Variants in KCNT2 observed in about 807,000 individuals in gnomAD.
KCNT2 encodes the protein potassium channel subfamily T member 2.
KCNT2 carries 67 observed loss-of-function variants against 153.8 expected under a neutral mutation model. The observed-to-expected ratio is 0.44, with a 90% CI of 0.36 to 0.53. The LOEUF (loss-of-function observed/expected upper bound fraction) is 0.53. KCNT2 is among the 20% of genes least tolerant of loss of function. KCNT2 has a pLI of 0.00. For synonymous variants in KCNT2, 500 were observed against 458.8 expected (o/e 1.09, Z -1.15); for missense variants, 975 against 1,354.8 (o/e 0.72, Z 4.40).
At chr1:196,483,203 T>A (rs1200446809) in intron 3 of KCNT2, among the ~76,000 whole-genome samples, 1 of 152,182 alleles carries the variant, frequency 6.6e-6, no homozygotes. Context: ...AACTTGAGCA[T>A]CCTTTTAGAT....
At chr1:196,236,152 C>G in intron 26 of KCNT2, 82 bp from the exon 27 acceptor site, 2 of 773,452 alleles carry the variant, frequency 2.6e-6, no homozygotes, top group Non-Finnish European at 4.6e-6. Flanking sequence ...TATATTCAAA[C>G]CATATAACTG....
At chr1:196,536,994 C>A (rs1370244828) in intron 1 of KCNT2, among the ~76,000 whole-genome samples, 1 of 152,194 alleles carries the variant, frequency 6.6e-6, no homozygotes, top group African/African-American at 2.4e-5. Flanking sequence ...GACCAATAGC[C>A]TACTGGTATT....
intron 1 of KCNT2, among the ~76,000 whole-genome samples, chr1:196,501,433 C>T (rs1405067875): frequency 1.3e-5 from 2 of 152,080 alleles, no homozygotes; most frequent in Non-Finnish European, 2.9e-5. Context: ...GAAATAATAT[C>T]TTTTTCAGCA....
intron 26 of KCNT2, among the ~76,000 whole-genome samples, chr1:196,255,712 T>C (rs1320787268): frequency 6.6e-6 from 1 of 151,862 alleles, no homozygotes; most frequent in African/African-American, 2.4e-5. Flanking sequence ...TCCAAACACA[T>C]TTTAGTGCCA....
At chr1:196,320,256 T>C (rs1385927182) in intron 19 of KCNT2, among the ~76,000 whole-genome samples, 2 of 151,802 alleles carry the variant, frequency 1.3e-5, no homozygotes, top group Non-Finnish European at 2.9e-5. Flanking sequence ...ATTGTATTCA[T>C]TTCACAAAGT....
In KCNT2 at chr1:196,226,751, A is replaced by T. The variant is rs1653519149; in HGVS notation, c.*1473T>A. 6.6e-6 allele frequency: 1 copy of T among 151,928 alleles called. No homozygotes were observed. Among genetic ancestry groups the T allele is most frequent in the African/African-American group, 2.4e-5 (1 of 41,434 alleles). 9.4% of individuals were successfully genotyped at this position (151,928 alleles called of 1,614,324 possible). ...AAAAATTTTATTATCCTTTAAGTTGATCTGCTTCATTATGAAAAGAAAGGA... is the reference window on the plus strand; with the variant it reads ...AAAAATTTTATTATCCTTTAAGTTGTTCTGCTTCATTATGAAAAGAAAGGA... On this transcript the variant is annotated 3_prime_UTR_variant, in exon 28 of 28. Transcript: ENST00000294725.
rs1672269608 is a variant in KCNT2 at position 196,411,067 on chromosome 1, TTCCTTCCTTCCTTCCTTCC to T, written c.1185+11964_1185+11982del. On this transcript the variant is annotated intron_variant, in intron 12 of 27. Coordinates refer to ENST00000294725, the MANE Select transcript of KCNT2 (RefSeq NM_198503.5). ...CCTCCCTCCTCTATTCCCTCCTTCC[TTCCTTCCTTCCTTCCTTCC>T]TTCCTTCCTTCCTTCCTTCCTTCCT... Among the ~76,000 whole-genome samples the T allele has an allele frequency of 9.8e-4, 2 of 2,040 alleles. 1 individual carries two copies. The highest frequency in any genetic ancestry group is 0.02 in the Non-Finnish European group (2 of 100). The allele number at this position is 2,040 out of a possible 152,430, so 1.3% of individuals were successfully genotyped here.
chr1:196,549,666 G>A (rs1186378027), intron 1 of KCNT2, among the ~76,000 whole-genome samples: 3 of 151,934 alleles, frequency 2.0e-5, no homozygotes, highest in Middle Eastern at 6.8e-3. Context: ...CTTCAAAAGC[G>A]CATTTTCAGC....
rs754243300 is a variant in KCNT2, at chr1:196,228,238, C to G, written c.3394G>C (p.Glu1132Gln). 4 of 1,603,200 alleles carry G rather than the reference C, an allele frequency of 2.5e-6. No individual in the cohort carries two copies. The highest frequency in any genetic ancestry group is 1.1e-5 in the South Asian group (1 of 90,370). Reference sequence around the variant, plus strand: ...TTTTATTTTTATCAAAGTTGAGTTTCCTCCCGAGAATCTTGACCAGTGACA... The same window carrying G: ...TTTTATTTTTATCAAAGTTGAGTTTGCTCCCGAGAATCTTGACCAGTGACA... ...CNVTGQDSRE[E>Q]TQL Residue 1132 changes from glutamate to glutamine, a missense_variant, in exon 28 of 28, where the codon GAA becomes CAA. By Grantham distance (29) the Glu-to-Gln change is conservative. Transcript: ENST00000294725.
At chr1:196,528,349 A>T (rs1222601792) in intron 1 of KCNT2, among the ~76,000 whole-genome samples, 1 of 152,150 alleles carries the variant, frequency 6.6e-6, no homozygotes, top group African/African-American at 2.4e-5. Flanking sequence ...CACTAGTTTT[A>T]TTATTCTATG....
At chr1:196,436,039 A>G (rs1048058743) in intron 8 of KCNT2, among the ~76,000 whole-genome samples, 5 of 151,620 alleles carry the variant, frequency 3.3e-5, no homozygotes, top group African/African-American at 1.2e-4. Flanking sequence ...TAAAATTACT[A>G]CTTCCGAGTT....
chr1:196,479,765 C>A (rs1678854098), intron 4 of KCNT2, among the ~76,000 whole-genome samples: 1 of 152,158 alleles, frequency 6.6e-6, no homozygotes, highest in Non-Finnish European at 1.5e-5. Context: ...CCACAGATAA[C>A]CACTCTATCC....
chr1:196,305,603 T>C (rs1375677519), intron 21 of KCNT2, among the ~76,000 whole-genome samples: 1 of 152,152 alleles, frequency 6.6e-6, no homozygotes, highest in Non-Finnish European at 1.5e-5. Flanking sequence ...ATTTTCTCTT[T>C]ACAATTATGG....
intron 26 of KCNT2, chr1:196,257,766 C>T: frequency 1.0e-6 from 1 of 983,752 alleles, no homozygotes; most frequent in Non-Finnish European, 1.2e-6. Context: ...ATACACTAAA[C>T]AAATTTTATA....
intron 1 of KCNT2, among the ~76,000 whole-genome samples, chr1:196,539,590 T>A (rs950895791): frequency 3.3e-5 from 5 of 152,166 alleles, no homozygotes; most frequent in African/African-American, 1.2e-4. Context: ...ATTCAGTTTT[T>A]ATTTCAATTA....
intron 12 of KCNT2, among the ~76,000 whole-genome samples, chr1:196,404,362 T>C (rs1671662104): frequency 6.6e-6 from 1 of 151,664 alleles, no homozygotes; most frequent in South Asian, 2.1e-4. Flanking sequence ...ATTCTTATTG[T>C]TGTACGTGGC....
intron 19 of KCNT2, among the ~76,000 whole-genome samples, chr1:196,323,155 C>A (rs1416351866): frequency 6.6e-6 from 1 of 151,790 alleles, no homozygotes; most frequent in Non-Finnish European, 1.5e-5. Flanking sequence ...CTGAATAAGT[C>A]TAAAGTTTGA....
intron 1 of KCNT2, among the ~76,000 whole-genome samples, chr1:196,604,766 T>A (rs1458042597): frequency 6.6e-6 from 1 of 151,650 alleles, no homozygotes. Flanking sequence ...CATTACATAA[T>A]ATACAATTTT....
At chr1:196,529,492 C>T (rs1423778071) in intron 1 of KCNT2, among the ~76,000 whole-genome samples, 1 of 152,110 alleles carries the variant, frequency 6.6e-6, no homozygotes, top group Non-Finnish European at 1.5e-5. Flanking sequence ...ATCTTCTGCT[C>T]AGATACTTGT....
Sources: allele counts gnomAD v4.1 joint callset (sites outside exome capture counted in the v4.1 genomes callset), GRCh38; gene constraint gnomAD v4.1.1; transcripts MANE v1.5; gene names NCBI Gene and HGNC (gene_info 2026-07-23, HGNC 2026-07-21).